Variants in ZMAT4 observed in about 807,000 individuals in gnomAD.
ZMAT4 encodes the protein zinc finger matrin-type protein 4.
A neutral mutation model predicts 28.7 loss-of-function variants in ZMAT4; 17 were observed. The ratio of observed to expected loss-of-function variants is 0.59; its 90% CI spans 0.41 to 0.89. The LOEUF is 0.89. ZMAT4 is among the 40% of genes least tolerant of loss of function. The pLI is 0.00. For missense variants in ZMAT4, 240 were observed against 283.8 expected, an observed-to-expected ratio of 0.85 and a Z score of 1.11; for synonymous variants, 117 against 109.2, an observed-to-expected ratio of 1.07 and a Z score of -0.44.
chr8:40,723,007 T>C (rs545032280), intron 3 of ZMAT4, among the ~76,000 whole-genome samples: 1 of 152,300 alleles, frequency 6.6e-6, no homozygotes, highest in African/African-American at 2.4e-5. Context: ...CCATTGTAAC[T>C]GGAATTGCAT....
Position 40,687,318 on chromosome 8 carries a change from G to A in ZMAT4, c.349+9927C>T, listed in dbSNP as rs188803310. ...AATAGCTTTGAAACACAGAAGAGAG[G>A]GAGCTTAAGGGAGCTGATCCCTGAT... On this transcript the variant is annotated intron_variant, in intron 4 of 6. Coordinates refer to ENST00000297737, the MANE Select transcript of ZMAT4 (RefSeq NM_024645.3). 1.6e-4 allele frequency among the ~76,000 whole-genome samples: 25 copies of A among 152,222 alleles called. No homozygotes were observed. The East Asian group carries it at 3.7e-3, about 22-fold the overall frequency.
rs367700127 is a variant in ZMAT4, at chr8:40,679,425, T to G, written c.350-4494A>C. 3.0e-4 allele frequency among the ~76,000 whole-genome samples: 46 copies of G among 152,248 alleles called. No homozygotes were observed. The South Asian group carries it at 9.1e-3, about 30-fold the overall frequency. Reference sequence around the variant, plus strand: ...AATTTACAAAGGAAAGAGGTTTAATTAACTCATAGTTCCACAGGGCTGGGG... The same window carrying G: ...AATTTACAAAGGAAAGAGGTTTAATGAACTCATAGTTCCACAGGGCTGGGG... On this transcript the variant is annotated intron_variant, in intron 4 of 6. Coordinates refer to ENST00000297737, the MANE Select transcript of ZMAT4 (RefSeq NM_024645.3).
intron 5 of ZMAT4, among the ~76,000 whole-genome samples, chr8:40,646,990 C>A (rs1284070385): frequency 6.6e-6 from 1 of 152,102 alleles, no homozygotes; most frequent in Non-Finnish European, 1.5e-5. Flanking sequence ...GGATTAAAAT[C>A]AGATAAGTAT....
intron 1 of ZMAT4, among the ~76,000 whole-genome samples, chr8:40,847,703 G>T (rs885326): frequency 3.9e-5 from 6 of 152,082 alleles, no homozygotes; most frequent in Non-Finnish European, 8.8e-5. Flanking sequence ...TAAATTTCAC[G>T]TTCCCTATAA....
intron 2 of ZMAT4, among the ~76,000 whole-genome samples, chr8:40,810,350 A>G (rs1053197740): frequency 6.6e-6 from 1 of 152,222 alleles, no homozygotes; most frequent in South Asian, 2.1e-4. Flanking sequence ...AAGCACAGTA[A>G]CTAAATACAG....
At chr8:40,550,748 GT>G (rs1219160226) in intron 6 of ZMAT4, among the ~76,000 whole-genome samples, 2 of 152,112 alleles carry the variant, frequency 1.3e-5, no homozygotes, top group African/African-American at 4.8e-5. Context: ...ATGATTGTAA[GT>G]TTCCTGAGGC....
chr8:40,666,744 AGTTG>A (rs1808431544), intron 5 of ZMAT4, among the ~76,000 whole-genome samples: 1 of 152,212 alleles, frequency 6.6e-6, no homozygotes, highest in East Asian at 1.9e-4. Flanking sequence ...CACAAAATTT[AGTTG>A]ACTTTCAAAC....
At position 40,841,066 on chromosome 8, in the gene ZMAT4, C is replaced by T. The variant is rs527932892; in HGVS notation, c.-4-15386G>A. On this transcript the variant is annotated intron_variant, in intron 1 of 6. Coordinates refer to ENST00000297737, the MANE Select transcript of ZMAT4 (RefSeq NM_024645.3). ...CCCTGTTGGATGCTGGCGTCAGGGG[C>T]AAAAAGAAGAGCAACATCACAGGCT... 6.6e-5 allele frequency among the ~76,000 whole-genome samples: 10 copies of T among 152,238 alleles called. No homozygotes were observed. In the South Asian group the frequency reaches 1.0e-3, roughly 16 times the overall value.
At chr8:40,862,337 G>T (rs558316858) in intron 1 of ZMAT4, among the ~76,000 whole-genome samples, 1 of 141,920 alleles carries the variant, frequency 7.0e-6, no homozygotes, top group Non-Finnish European at 1.5e-5. Context: ...ACCAAACACC[G>T]CATATTCTCA....
chr8:40,679,178 G>T, intron 4 of ZMAT4, among the ~76,000 whole-genome samples: 1 of 152,110 alleles, frequency 6.6e-6, no homozygotes, highest in East Asian at 1.9e-4. Context: ...TTAGTACCTT[G>T]TGCAAGATTT....
intron 1 of ZMAT4, among the ~76,000 whole-genome samples, chr8:40,848,709 C>T (rs997285369): frequency 2.6e-5 from 4 of 152,120 alleles, no homozygotes; most frequent in Non-Finnish European, 5.9e-5. Flanking sequence ...CCCAATGGTT[C>T]TTGGTGCATA....
intron 2 of ZMAT4, among the ~76,000 whole-genome samples, chr8:40,816,457 T>C (rs2150601281): frequency 6.6e-6 from 1 of 152,270 alleles, no homozygotes; most frequent in East Asian, 1.9e-4. Flanking sequence ...TTGTCTAACG[T>C]AGATATTGGG....
chr8:40,587,247 A>G (rs1020906845), intron 5 of ZMAT4, among the ~76,000 whole-genome samples: 1 of 152,226 alleles, frequency 6.6e-6, no homozygotes, highest in Non-Finnish European at 1.5e-5. Context: ...ATAGTTTGTC[A>G]GCAAACCAGT....
intron 5 of ZMAT4, among the ~76,000 whole-genome samples, chr8:40,648,069 A>T (rs1409658853): frequency 6.6e-6 from 1 of 152,260 alleles, no homozygotes; most frequent in Non-Finnish European, 1.5e-5. Context: ...ACAAAGCTGG[A>T]TGGAGAATGA....
intron 5 of ZMAT4, among the ~76,000 whole-genome samples, chr8:40,648,026 G>A (rs1012308408): frequency 1.1e-4 from 17 of 152,284 alleles, no homozygotes; most frequent in African/African-American, 3.1e-4. Context: ...CCTCTCCTCC[G>A]CCAAAGGAAC....
At chr8:40,643,199 C>G (rs567064307) in intron 5 of ZMAT4, among the ~76,000 whole-genome samples, 36 of 152,194 alleles carry the variant, frequency 2.4e-4, no homozygotes, top group Non-Finnish European at 3.5e-4. Flanking sequence ...CCCAAGCAGT[C>G]GAGAAGCTTT....
rs143781746 is a variant in ZMAT4 at position 40,582,601 on chromosome 8, C to T, written c.578-1340G>A. Among the ~76,000 whole-genome samples the T allele has an allele frequency of 4.3e-3, 661 of 152,266 alleles. 5 individuals are homozygous for T. Among genetic ancestry groups the T allele is most frequent in the Middle Eastern group, 0.01 (3 of 294 alleles). ...GCTGTAGCATTTGTTTTTATCAATGCATAGTATTTAATTTTAACAGGCAAA... is the reference window on the plus strand; with the variant it reads ...GCTGTAGCATTTGTTTTTATCAATGTATAGTATTTAATTTTAACAGGCAAA... On this transcript the variant is annotated intron_variant, in intron 5 of 6. Coordinates refer to ENST00000297737, the MANE Select transcript of ZMAT4 (RefSeq NM_024645.3).
At chr8:40,650,252 C>CTTTATATATATATATATATATA in intron 5 of ZMAT4, among the ~76,000 whole-genome samples, 1 of 151,918 alleles carries the variant, frequency 6.6e-6, no homozygotes, top group Admixed American at 6.6e-5. Context: ...ATATCACCAC[C>CTTTATATATATATATATATATA]GATCCCACAG....
At chr8:40,859,244 G>A (rs967642817) in intron 1 of ZMAT4, among the ~76,000 whole-genome samples, 2 of 152,182 alleles carry the variant, frequency 1.3e-5, no homozygotes, top group African/African-American at 4.8e-5. Flanking sequence ...AGCCATCCCA[G>A]GTAGCTCTCC....
Sources: gnomAD v4.1 joint callset for allele counts (sites outside exome capture counted in the v4.1 genomes callset) on GRCh38, gnomAD v4.1.1 for gene constraint, MANE v1.5 for transcripts, NCBI Gene and HGNC (gene_info 2026-07-23, HGNC 2026-07-21) for gene names.